The following WDFY2 variants were observed in gnomAD, a reference collection of about 807,000 sequenced individuals.
WDFY2 encodes WD repeat and FYVE domain-containing protein 2.
Under a neutral mutation model 56.4 loss-of-function variants are expected in WDFY2, and 36 were observed. That is an observed-to-expected ratio of 0.64 (90% confidence interval 0.49 to 0.84). The LOEUF is 0.84. Ranked by LOEUF, WDFY2 falls within the 40% of genes least tolerant of loss-of-function variation. WDFY2 has a pLI of 0.00. For missense variants in WDFY2, 444 were observed against 512.2 expected (o/e 0.87, Z 1.29); for synonymous variants, 176 against 183.7 (o/e 0.96, Z 0.34).
rs1314635193 is a variant in WDFY2, at chr13:51,762,518, GTGTT to G, written c.*2753_*2756del. The G allele has an allele frequency of 6.6e-6, 1 of 152,228 alleles. No individual in the cohort carries two copies. The highest frequency in any genetic ancestry group is 2.4e-5 in the African/African-American group (1 of 41,460). 9.4% of individuals were successfully genotyped at this position (152,228 alleles called of 1,614,324 possible). ...GAAATGCGTTTAGCAAACCAACTGT[GTGTT>G]TGTAATACTGTGAATTCTTGCGTTT... On this transcript the variant is annotated 3_prime_UTR_variant, in exon 12 of 12. Transcript: ENST00000298125.
intron 4 of WDFY2, among the ~76,000 whole-genome samples, chr13:51,718,819 T>C (rs867079897): frequency 3.9e-5 from 6 of 152,338 alleles, no homozygotes; most frequent in Middle Eastern, 6.8e-3. Context: ...TCACTCCTAA[T>C]GTGTTTTGTG....
At chr13:51,618,820 C>T (rs1245349926) in intron 1 of WDFY2, among the ~76,000 whole-genome samples, 2 of 152,168 alleles carry the variant, frequency 1.3e-5, no homozygotes, top group Non-Finnish European at 2.9e-5. Flanking sequence ...CAATGCAAAA[C>T]AATAAAGGCT....
chr13:51,594,665 A>G (rs935644068), intron 1 of WDFY2, among the ~76,000 whole-genome samples: 1 of 152,212 alleles, frequency 6.6e-6, no homozygotes, highest in Non-Finnish European at 1.5e-5. Context: ...TGTCCAGGTC[A>G]TCTGGCTAAT....
chr13:51,588,929 A>C (rs1953994519), intron 1 of WDFY2: 1 of 152,164 alleles, frequency 6.6e-6, no homozygotes, highest in Non-Finnish European at 1.5e-5. Flanking sequence ...TGTAGGAGAG[A>C]TAACTATAGA....
At chr13:51,721,050 T>G (rs1952478298) in intron 5 of WDFY2, among the ~76,000 whole-genome samples, 1 of 152,186 alleles carries the variant, frequency 6.6e-6, no homozygotes, top group Admixed American at 6.5e-5. Context: ...CCATGATGAT[T>G]ATTACACAGT....
rs1383576987 is a variant in WDFY2 at position 51,719,199 on chromosome 13, G to A, written c.336G>A (p.Ala112=). 18 of 1,614,048 alleles carry A rather than the reference G, an allele frequency of 1.1e-5. No homozygotes were observed. The highest frequency in any genetic ancestry group is 1.7e-5 in the Admixed American group (1 of 60,004). The change falls in exon 5 of 12, where the codon GCG becomes GCA. Residue 112 remains alanine, a splice_region_variant and synonymous_variant. Transcript: ENST00000298125. Reference sequence around the variant, plus strand: ...GTTTTCTTTTCTCTTGGTTTTCAGCGCATCAGAGCAGAGTGACGATGATCC... The same window carrying A: ...GTTTTCTTTTCTCTTGGTTTTCAGCACATCAGAGCAGAGTGACGATGATCC... The part of the protein sequence containing the change: ...NKMTPVKNYQ[A]HQSRVTMILF...
chr13:51,732,160 T>A lies in WDFY2; in HGVS notation c.598+4370T>A, dbSNP rs189192924. ...TTTTTTGTTTTTTTGAGACAGAATC[T>A]CGCTCTGTCGTCCAGGCTGGAGTGC... On this transcript the variant is annotated intron_variant, in intron 6 of 11. Coordinates refer to ENST00000298125, the MANE Select transcript of WDFY2 (RefSeq NM_052950.4). 2.6e-5 allele frequency among the ~76,000 whole-genome samples: 4 copies of A among 152,246 alleles called. No individual in the cohort carries two copies. The East Asian group carries it at 7.7e-4, about 29-fold the overall frequency.
chr13:51,737,916 C>T (rs1194047618), intron 6 of WDFY2, among the ~76,000 whole-genome samples: 4 of 152,148 alleles, frequency 2.6e-5, no homozygotes, highest in South Asian at 2.1e-4. Context: ...TTTAGGAAGA[C>T]GCTAGGAAGC....
At position 51,760,980 on chromosome 13, in the gene WDFY2, G is replaced by C. The variant is rs1468682089; in HGVS notation, c.*1211G>C. ...ATGCTCTGAAAATAAGTGTCTTTAA[G>C]TTGTGTTTTTCTGTGTGACATCATC... On this transcript the variant is annotated 3_prime_UTR_variant, in exon 12 of 12. Transcript: ENST00000298125. 3 of 152,212 alleles carry C rather than the reference G, an allele frequency of 2.0e-5. No homozygotes were observed. The highest frequency in any genetic ancestry group is 4.4e-5 in the Non-Finnish European group (3 of 68,062). 9.4% of individuals were successfully genotyped at this position (152,212 alleles called of 1,614,324 possible). A position where few individuals can be genotyped will look rare whatever the true frequency, so the allele number is the denominator to read the frequency against.
At chr13:51,665,490 T>C (rs1955684182) in intron 2 of WDFY2, among the ~76,000 whole-genome samples, 1 of 152,210 alleles carries the variant, frequency 6.6e-6, no homozygotes, top group South Asian at 2.1e-4. Flanking sequence ...AGCACAAGCA[T>C]TTCTATTTCT....
Position 51,584,504 on chromosome 13 carries a change from G to C in WDFY2, c.-184G>C. 1.3e-6 allele frequency: 1 copy of C among 778,864 alleles called. No homozygotes were observed. The highest frequency in any genetic ancestry group is 1.9e-6 in the Non-Finnish European group (1 of 519,334). The allele number at this position is 778,864 out of a possible 1,614,324, so 48.2% of individuals were successfully genotyped here. ...CATCCCAGGTCGTGGCGGTTTTGGTGCCTGAAGCAGGGAGCGCGGAGTCGT... is the reference window on the plus strand; with the variant it reads ...CATCCCAGGTCGTGGCGGTTTTGGTCCCTGAAGCAGGGAGCGCGGAGTCGT... On this transcript the variant is annotated 5_prime_UTR_variant, in exon 1 of 12. Transcript: ENST00000298125.
At chr13:51,598,898 C>CCAT (rs1954210366) in intron 1 of WDFY2, among the ~76,000 whole-genome samples, 1 of 150,078 alleles carries the variant, frequency 6.7e-6, no homozygotes, top group African/African-American at 2.4e-5. Context: ...TCCACAAGTG[C>CCAT]CATTTACTTT....
rs776222560 is a variant in WDFY2 at position 51,584,667 on chromosome 13, C to T, written c.-21C>T. 9 of 1,604,578 alleles carry T rather than the reference C, an allele frequency of 5.6e-6. No individual in the cohort carries two copies. In the Middle Eastern group the frequency reaches 7.3e-4, roughly 129 times the overall value. ...CCGCGGCGCGGTTGGCGGCGGCGCC[C>T]CAGGCGCGCCCCCTCCTCCGATGGC... is the stretch of plus-strand genomic sequence containing the variant. On this transcript the variant is annotated 5_prime_UTR_variant, in exon 1 of 12. Coordinates refer to ENST00000298125, the MANE Select transcript of WDFY2 (RefSeq NM_052950.4).
intron 1 of WDFY2, among the ~76,000 whole-genome samples, chr13:51,648,067 A>G (rs1040526564): frequency 1.3e-5 from 2 of 152,160 alleles, no homozygotes. Context: ...TACTGTGCTG[A>G]GTGCTGTCCC....
rs186547964 is a variant in WDFY2, at chr13:51,699,421, C to T, written c.280-4175C>T. ...TTGGTAATGCATCACCGTCTTTCTC[C>T]GCTTTGCTTTGCTTTACCCTCACTG... On this transcript the variant is annotated intron_variant, in intron 3 of 11. Coordinates refer to ENST00000298125, the MANE Select transcript of WDFY2 (RefSeq NM_052950.4). 2.0e-3 allele frequency among the ~76,000 whole-genome samples: 308 copies of T among 152,288 alleles called. 2 individuals carry two copies. The highest frequency in any genetic ancestry group is 3.3e-3 in the Non-Finnish European group (226 of 68,016).
chr13:51,644,668 A>G (rs969110663), intron 1 of WDFY2, among the ~76,000 whole-genome samples: 4 of 152,230 alleles, frequency 2.6e-5, no homozygotes, highest in Non-Finnish European at 4.4e-5. Context: ...TAAAATAGCC[A>G]TACCTCTTCT....
At position 51,675,181 on chromosome 13, in the gene WDFY2, T is replaced by G; in HGVS notation, c.217T>G (p.Cys73Gly). 1 of 1,614,000 alleles carries G rather than the reference T, an allele frequency of 6.2e-7. No homozygotes were observed. The highest frequency in any genetic ancestry group is 1.3e-5 in the African/African-American group (1 of 75,040). Residue 73 changes from cysteine (C) to glycine (G), a missense_variant, in exon 3 of 12, where the codon TGC becomes GGC. Cys to Gly is a radical substitution (Grantham distance 159). Coordinates refer to ENST00000298125, the MANE Select transcript of WDFY2 (RefSeq NM_052950.4). ...TTCATTTCTTTCAGCTCCATGTTCA[T>G]GCATGTCTTTTAACCCGGAAACAAG... is the stretch of plus-strand genomic sequence containing the variant. ...VYHAMPSPCS[C>G]MSFNPETRRL...
chr13:51,724,944 G>T (rs1952573197), intron 5 of WDFY2, among the ~76,000 whole-genome samples: 1 of 152,072 alleles, frequency 6.6e-6, no homozygotes. Context: ...CATGTCTCAA[G>T]TTCATCTTGT....
chr13:51,722,665 G>A (rs975404706), intron 5 of WDFY2, among the ~76,000 whole-genome samples: 1 of 152,166 alleles, frequency 6.6e-6, no homozygotes, highest in Non-Finnish European at 1.5e-5. Flanking sequence ...TCAGGGAGTA[G>A]GTGACTTGCT....
Sources: gnomAD v4.1 joint callset for allele counts (sites outside exome capture counted in the v4.1 genomes callset) on GRCh38, gnomAD v4.1.1 for gene constraint, MANE v1.5 for transcripts, NCBI Gene and HGNC (gene_info 2026-07-23, HGNC 2026-07-21) for gene names.